Variants in UNC13A observed in about 807,000 individuals in gnomAD.
UNC13A encodes protein unc-13 homolog A.
In UNC13A, 61 loss-of-function variants were observed where a neutral mutation model predicts 219.7. The ratio of observed to expected loss-of-function variants is 0.28; its 90% CI spans 0.23 to 0.34. The LOEUF is 0.34. Ranked by LOEUF, UNC13A falls within the 10% of genes least tolerant of loss-of-function variation. The pLI is 1.00. For missense variants in UNC13A, 1,476 were observed against 2,270.3 expected (o/e 0.65, Z 7.11); for synonymous variants, 920 against 884.6 (o/e 1.04, Z -0.71).
At chr19:17,633,950 C>T (rs1034548177) in intron 26 of UNC13A, among the ~76,000 whole-genome samples, 8 of 151,584 alleles carry the variant, frequency 5.3e-5, no homozygotes, top group African/African-American at 1.2e-4. Context: ...TCCACCCATC[C>T]GTTCACCTAT....
At chr19:17,618,342 G>T in intron 40 of UNC13A, 79 bp downstream of exon 40, 1 of 1,431,678 alleles carries the variant, frequency 7.0e-7, no homozygotes, top group Non-Finnish European at 9.6e-7. Context: ...GTGGGTCCGA[G>T]GCGAGCCTAA....
At chr19:17,662,428 T>G (rs980601786) in intron 8 of UNC13A, among the ~76,000 whole-genome samples, 1 of 151,980 alleles carries the variant, frequency 6.6e-6, no homozygotes, top group Non-Finnish European at 1.5e-5. Context: ...TGCTTCTACA[T>G]GATGATGAGT....
chr19:17,638,604 A>C (rs2076935216), intron 25 of UNC13A, among the ~76,000 whole-genome samples: 2 of 152,154 alleles, frequency 1.3e-5, no homozygotes. Flanking sequence ...AGGCAGGTGG[A>C]TCACCTGAGG....
intron 6 of UNC13A, among the ~76,000 whole-genome samples, chr19:17,667,594 C>T (rs1219000638): frequency 6.6e-6 from 1 of 152,000 alleles, no homozygotes; most frequent in African/African-American, 2.4e-5. Flanking sequence ...CCACCTCAGC[C>T]TCCCAAGGAG....
chr19:17,611,981 C>T, intron 41 of UNC13A, 126 bp from the exon 42 acceptor site: 1 of 716,966 alleles, frequency 1.4e-6, no homozygotes, highest in Non-Finnish European at 2.3e-6. Flanking sequence ...TAGGGAGGCA[C>T]TGATGGGGGG....
intron 31 of UNC13A, 100 bp downstream of exon 31, chr19:17,629,140 C>T (rs1041412828): frequency 2.1e-6 from 2 of 970,356 alleles, no homozygotes; most frequent in East Asian, 2.6e-5. Context: ...CACAGGTGGA[C>T]ATACATAGCC....
chr19:17,611,727 G>A, intron 42 of UNC13A, 36 bp downstream of exon 42: 5 of 1,587,700 alleles, frequency 3.1e-6, no homozygotes, highest in Non-Finnish European at 4.3e-6. Context: ...TTCTGTTTTA[G>A]AACCTAGCAA....
At chr19:17,619,029 C>T in intron 38 of UNC13A, 67 bp from the exon 39 acceptor site, 1 of 1,499,550 alleles carries the variant, frequency 6.7e-7, no homozygotes, top group Non-Finnish European at 9.3e-7. Context: ...GCCCCAGAGA[C>T]CATCTTGGTT....
intron 7 of UNC13A, among the ~76,000 whole-genome samples, chr19:17,663,820 C>T (rs942180661): frequency 3.3e-5 from 5 of 151,670 alleles, no homozygotes; most frequent in East Asian, 1.9e-4. Context: ...TTTTGAAACA[C>T]GGTCTCACTC....
intron 4 of UNC13A, among the ~76,000 whole-genome samples, chr19:17,670,399 C>A (rs1018025058): frequency 1.2e-4 from 18 of 151,862 alleles, no homozygotes; most frequent in Non-Finnish European, 2.2e-4. Context: ...TGCCAGCACT[C>A]CTGGCTAATT....
At chr19:17,624,338 C>T (rs1412922827) in intron 35 of UNC13A, among the ~76,000 whole-genome samples, 2 of 151,976 alleles carry the variant, frequency 1.3e-5, no homozygotes, top group Non-Finnish European at 1.5e-5. Context: ...AGGCTGGTCT[C>T]GAACTCCTGA....
At chr19:17,631,373 A>G (rs1358218888) in intron 28 of UNC13A, among the ~76,000 whole-genome samples, 3 of 149,950 alleles carry the variant, frequency 2.0e-5, no homozygotes. Context: ...GGCACATGCC[A>G]CCATGCCCGG....
At chr19:17,643,042 G>C (rs997745826) in intron 19 of UNC13A, 82 bp from the exon 20 acceptor site, 1 of 1,115,724 alleles carries the variant, frequency 9.0e-7, no homozygotes, top group Middle Eastern at 2.0e-4. Context: ...AGGGAGTCTT[G>C]CTCTTGTCAC....
At position 17,649,093 on chromosome 19, in the gene UNC13A, C is replaced by T; in HGVS notation, c.1525-110G>A. 1 of 1,295,258 alleles carries T rather than the reference C, an allele frequency of 7.7e-7. No individual in the cohort carries two copies. The highest frequency in any genetic ancestry group is 1.1e-6 in the Non-Finnish European group (1 of 936,920). 80.2% of individuals were successfully genotyped at this position (1,295,258 alleles called of 1,614,324 possible). A position where few individuals can be genotyped will look rare whatever the true frequency, so the allele number is the denominator to read the frequency against. ...AGCAGCCACATTTTGGAGCCACAACCGCAAGTTGGAAACAGGTCACCGACA... is the reference window on the plus strand; with the variant it reads ...AGCAGCCACATTTTGGAGCCACAACTGCAAGTTGGAAACAGGTCACCGACA... On this transcript the variant is annotated intron_variant, in intron 14 of 43. Coordinates refer to ENST00000519716, the MANE Select transcript of UNC13A (RefSeq NM_001080421.3). The surrounding 1 kb of genome is among the most constrained non-coding windows in gnomAD (Gnocchi z 4.4).
intron 1 of UNC13A, among the ~76,000 whole-genome samples, chr19:17,680,554 G>T (rs1162749188): frequency 6.6e-6 from 1 of 152,104 alleles, no homozygotes; most frequent in African/African-American, 2.4e-5. Context: ...CCGTACCCGG[G>T]GAGGCTGAGG....
intron 38 of UNC13A, among the ~76,000 whole-genome samples, chr19:17,619,652 T>C (rs2076707219): frequency 6.6e-6 from 1 of 152,068 alleles, no homozygotes; most frequent in Non-Finnish European, 1.5e-5. Context: ...AGGCTGGTCT[T>C]GAATTCCTGG....
chr19:17,623,112 G>A (rs1216067639), intron 36 of UNC13A: 1 of 181,184 alleles, frequency 5.5e-6, no homozygotes, highest in Non-Finnish European at 1.2e-5. Flanking sequence ...CCCTCATGGT[G>A]AGGACCTGCA....
chr19:17,623,564 G>T lies in UNC13A; in HGVS notation c.4198-17C>A. 1 of 1,408,398 alleles carries T rather than the reference G, an allele frequency of 7.1e-7. No homozygotes were observed. The highest frequency in any genetic ancestry group is 2.7e-5 in the East Asian group (1 of 36,722). 87.2% of individuals were successfully genotyped at this position (1,408,398 alleles called of 1,614,324 possible). A position where few individuals can be genotyped will look rare whatever the true frequency, so the allele number is the denominator to read the frequency against. On this transcript the variant is annotated splice_polypyrimidine_tract_variant and intron_variant, in intron 35 of 43. Transcript: ENST00000519716. ...TACGATCATCTGTCATCCGTGATGG[G>T]GGCGGGGCGGTGGGGGAGGGGGGAA...
Position 17,627,428 on chromosome 19 carries a change from G to C in UNC13A, c.3920+81C>G. The stretch of plus-strand genomic sequence containing the variant: ...GCCTGCAATCTTCACCTCTACATCT[G>C]CTGAGCCTCCAGATGCCCCAGGCTT... On this transcript the variant is annotated intron_variant, in intron 33 of 43. Coordinates refer to ENST00000519716, the MANE Select transcript of UNC13A (RefSeq NM_001080421.3). This position sits in a 1 kb window ranked among gnomAD's most constrained non-coding sequence, Gnocchi z 4.7. 8.9e-7 allele frequency: 1 copy of C among 1,120,612 alleles called. No individual in the cohort carries two copies. 69.4% of individuals were successfully genotyped at this position (1,120,612 alleles called of 1,614,324 possible).
Sources: gnomAD v4.1 joint callset for allele counts (sites outside exome capture counted in the v4.1 genomes callset) on GRCh38, gnomAD v4.1.1 for gene constraint, Gnocchi (gnomAD v3.1) non-coding constraint, MANE v1.5 for transcripts, NCBI Gene and HGNC (gene_info 2026-07-23, HGNC 2026-07-21) for gene names.